Variants in PCBP3 observed in about 807,000 individuals in gnomAD.
PCBP3 encodes poly(rC) binding protein 3.
A neutral mutation model predicts 52.7 loss-of-function variants in PCBP3; 25 were observed. That is an observed-to-expected ratio of 0.47 (90% CI 0.35 to 0.66). The LOEUF (loss-of-function observed/expected upper bound fraction) is 0.66. PCBP3 is among the 30% of genes least tolerant of loss of function. The pLI, the probability that PCBP3 is intolerant of heterozygous loss-of-function variation, is 0.01. For missense variants in PCBP3, 391 were observed against 490.3 expected, an observed-to-expected ratio of 0.80 and a Z score of 1.91; for synonymous variants, 162 against 183.0, an observed-to-expected ratio of 0.89 and a Z score of 0.93.
rs954805696 is a variant in PCBP3 at position 45,736,578 on chromosome 21, G to A, written c.-162+1149G>A. ...GCAGGGGGAGGCCCTCGGAGAGATG[G>A]CATGGGGAGTTGGCAGGGGGAGGCT... On this transcript the variant is annotated intron_variant, in intron 3 of 17. Transcript: ENST00000681687. This position sits in a 1 kb window ranked among gnomAD's most constrained non-coding sequence, Gnocchi z 4.6. Among the ~76,000 whole-genome samples the A allele has an allele frequency of 2.6e-5, 4 of 152,126 alleles. No individual in the cohort carries two copies. The highest frequency in any genetic ancestry group is 9.7e-5 in the African/African-American group (4 of 41,398).
rs2075733127 is a variant in PCBP3, at chr21:45,928,194, A to T, written c.718-1723A>T. Among the ~76,000 whole-genome samples the T allele has an allele frequency of 6.6e-6, 1 of 152,144 alleles. No individual in the cohort carries two copies. Among genetic ancestry groups the T allele is most frequent in the African/African-American group, 2.4e-5 (1 of 41,444 alleles). On this transcript the variant is annotated intron_variant, in intron 13 of 17. Coordinates refer to ENST00000681687, the MANE Select transcript of PCBP3 (RefSeq NM_001384156.1). This position sits in a 1 kb window ranked among gnomAD's most constrained non-coding sequence, Gnocchi z 4.1. ...GGAGGTAGACTGTCCCGGTGACTTC[A>T]GCTGGTGTCCTTGGGACAGGATGTC...
chr21:45,803,183 G>A lies in PCBP3; in HGVS notation c.-125-46778G>A, dbSNP rs1268090337. Reference sequence around the variant, plus strand: ...TCCTCACTTTCTCAGCAGAGGCAGAGGCTACAGTCTGAGTGGCAGAGCCCA... The same window carrying A: ...TCCTCACTTTCTCAGCAGAGGCAGAAGCTACAGTCTGAGTGGCAGAGCCCA... On this transcript the variant is annotated intron_variant, in intron 4 of 17. Coordinates refer to ENST00000681687, the MANE Select transcript of PCBP3 (RefSeq NM_001384156.1). Among the ~76,000 whole-genome samples, 7 of 152,218 alleles carry A rather than the reference G, an allele frequency of 4.6e-5. No homozygotes were observed. The South Asian group carries it at 1.0e-3, about 23-fold the overall frequency.
chr21:45,718,428 G>A (rs1367667803), intron 2 of PCBP3, among the ~76,000 whole-genome samples: 3 of 151,598 alleles, frequency 2.0e-5, no homozygotes, highest in Non-Finnish European at 2.9e-5. Context: ...TTAGGTTATC[G>A]AATTGAGATC....
intron 5 of PCBP3, among the ~76,000 whole-genome samples, chr21:45,892,867 G>A (rs568147777): frequency 6.6e-6 from 1 of 152,330 alleles, no homozygotes; most frequent in East Asian, 1.9e-4. Context: ...GTGGGTGCCA[G>A]GACCCTCTCT....
intron 4 of PCBP3, among the ~76,000 whole-genome samples, chr21:45,816,065 A>G (rs1163727160): frequency 2.3e-4 from 16 of 70,500 alleles, no homozygotes; most frequent in African/African-American, 3.5e-4. Flanking sequence ...TGAGTGAGTG[A>G]TGAGTGAGTG....
At chr21:45,931,416 C>A (rs561092370) in intron 15 of PCBP3, among the ~76,000 whole-genome samples, 2 of 152,348 alleles carry the variant, frequency 1.3e-5, no homozygotes, top group Admixed American at 1.3e-4. Flanking sequence ...CCTGTAATGA[C>A]CCTCCCCTCA....
At chr21:45,647,304 CCTA>C (rs2079381109) in intron 1 of PCBP3, among the ~76,000 whole-genome samples, 1 of 152,176 alleles carries the variant, frequency 6.6e-6, no homozygotes, top group Admixed American at 6.5e-5. Flanking sequence ...TCCCTGATTC[CCTA>C]CTGTTTGCCA....
At chr21:45,681,644 A>G (rs2081856624) in intron 2 of PCBP3, among the ~76,000 whole-genome samples, 1 of 152,210 alleles carries the variant, frequency 6.6e-6, no homozygotes, top group African/African-American at 2.4e-5. Context: ...GCTGAATTCC[A>G]TTTTTTAATA....
intron 1 of PCBP3, among the ~76,000 whole-genome samples, chr21:45,665,947 G>A (rs2147170601): frequency 6.6e-6 from 1 of 152,130 alleles, no homozygotes; most frequent in African/African-American, 2.4e-5. Flanking sequence ...TTTGTTCCAG[G>A]GATGCAAGGA....
At chr21:45,676,746 G>A (rs773829920) in intron 2 of PCBP3, among the ~76,000 whole-genome samples, 2 of 151,886 alleles carry the variant, frequency 1.3e-5, no homozygotes, top group Non-Finnish European at 2.9e-5. Context: ...GTGAAAGGAA[G>A]GGTTGCACAT....
chr21:45,869,154 C>G (rs1378425030), intron 5 of PCBP3: 1 of 152,134 alleles, frequency 6.6e-6, no homozygotes, highest in African/African-American at 2.4e-5. Flanking sequence ...CAAACCAAAC[C>G]CATTAAACAT....
Position 45,888,889 on chromosome 21 carries a change from C to T in PCBP3, c.11-7319C>T, listed in dbSNP as rs112933074. Among the ~76,000 whole-genome samples, 1,045 of 152,296 alleles carry T rather than the reference C, an allele frequency of 6.9e-3. 13 individuals carry two copies. Among genetic ancestry groups the T allele is most frequent in the African/African-American group, 0.023 (950 of 41,554 alleles). On this transcript the variant is annotated intron_variant, in intron 5 of 17. Transcript: ENST00000681687. ...TATAAAGTTTGCACATTAAATCACA[C>T]ATGGACAGTATCTACATGGAATGAT...
chr21:45,846,444 C>T (rs58476668), intron 4 of PCBP3, among the ~76,000 whole-genome samples: 3,284 of 149,696 alleles, frequency 0.022, 134 homozygotes, highest in African/African-American at 0.075. Context: ...TTTTTTTTAA[C>T]GAATGTTTCA....
At chr21:45,895,818 C>G (rs2095810238) in intron 5 of PCBP3, among the ~76,000 whole-genome samples, 1 of 152,260 alleles carries the variant, frequency 6.6e-6, no homozygotes, top group African/African-American at 2.4e-5. Flanking sequence ...GAGGCCACAG[C>G]AGAAGCAGGG....
intron 1 of PCBP3, among the ~76,000 whole-genome samples, chr21:45,652,645 G>A (rs1482272181): frequency 2.6e-5 from 4 of 152,018 alleles, no homozygotes; most frequent in Non-Finnish European, 5.9e-5. Context: ...GTTTCACCAT[G>A]TTGGCCAGGC....
chr21:45,910,626 T>C (rs1168076485), intron 10 of PCBP3, among the ~76,000 whole-genome samples: 1 of 152,162 alleles, frequency 6.6e-6, no homozygotes, highest in African/African-American at 2.4e-5. Context: ...GAGTCGTTTG[T>C]CTCCCTGAAA....
At chr21:45,772,519 A>G (rs981322369) in intron 4 of PCBP3, among the ~76,000 whole-genome samples, 4 of 152,198 alleles carry the variant, frequency 2.6e-5, no homozygotes, top group Non-Finnish European at 5.9e-5. Context: ...GTACTGCAAT[A>G]AACATAGGAG....
chr21:45,912,606 C>T (rs1486460926), intron 11 of PCBP3, among the ~76,000 whole-genome samples: 3 of 152,058 alleles, frequency 2.0e-5, no homozygotes, highest in African/African-American at 4.8e-5. Flanking sequence ...GCACCCTGTA[C>T]CCAGTGCAGG....
chr21:45,657,674 GA>G (rs35393546), intron 1 of PCBP3, among the ~76,000 whole-genome samples: 94 of 144,072 alleles, frequency 6.5e-4, no homozygotes, highest in East Asian at 1.8e-3. Flanking sequence ...TCACTTTCTG[GA>G]AAAAAAAAAA....
Sources: gnomAD v4.1 joint callset for allele counts (sites outside exome capture counted in the v4.1 genomes callset) on GRCh38, gnomAD v4.1.1 for gene constraint, Gnocchi (gnomAD v3.1) non-coding constraint, MANE v1.5 for transcripts, NCBI Gene and HGNC (gene_info 2026-07-23, HGNC 2026-07-21) for gene names.